The following KLRG1 variants were observed in gnomAD, a reference collection of about 807,000 sequenced individuals.
KLRG1 encodes killer cell lectin like receptor G1.
A neutral mutation model predicts 21.8 loss-of-function variants in KLRG1; 16 were observed. The ratio of observed to expected loss-of-function variants is 0.73; its 90% CI spans 0.50 to 1.11. The LOEUF is 1.11. Ranked by LOEUF, KLRG1 falls within the 50% of genes most tolerant of loss-of-function variation. The pLI is 0.00. For synonymous variants in KLRG1, 69 were observed against 75.9 expected, an observed-to-expected ratio of 0.91 and a Z score of 0.47; for missense variants, 173 against 218.3, an observed-to-expected ratio of 0.79 and a Z score of 1.31.
the KLRG1 span, chr12:9,192,867 C>T: frequency 5.3e-6 from 3 of 570,910 alleles, no homozygotes; most frequent in Admixed American, 3.1e-5. Context: ...TCATACTGGT[C>T]GACAGCCAAA....
At chr12:9,083,759 A>T in the KLRG1 span, among the ~76,000 whole-genome samples, 2 of 151,924 alleles carry the variant, frequency 1.3e-5, no homozygotes, top group Non-Finnish European at 2.9e-5. Flanking sequence ...AATCAGAAAA[A>T]AAAAAAAGCA....
the KLRG1 span, chr12:9,202,550 T>C: frequency 6.2e-7 from 1 of 1,614,048 alleles, no homozygotes. Context: ...TATACATGGG[T>C]TTGTCTGTCT....
At position 9,009,295 on chromosome 12, in the gene KLRG1, C is replaced by T. The variant is rs759261254; in HGVS notation, c.459-131C>T. ...GAGAGGCTGATGAACAATTTTAATT[C>T]TTCTGCTGTTTGGGGGAATTAGGGG... On this transcript the variant is annotated intron_variant, in intron 4 of 4. Coordinates refer to ENST00000356986, the MANE Select transcript of KLRG1 (RefSeq NM_005810.4). The T allele has an allele frequency of 3.9e-5, 42 of 1,089,926 alleles. No individual in the cohort carries two copies. In the Admixed American group the frequency reaches 1.2e-3, roughly 31 times the overall value. The allele number at this position is 1,089,926 out of a possible 1,614,324, so 67.5% of individuals were successfully genotyped here.
chr12:9,196,384 G>T, the KLRG1 span: 1 of 1,613,884 alleles, frequency 6.2e-7, no homozygotes, highest in South Asian at 1.1e-5. Context: ...TCACGAATTT[G>T]AGTTTGGATA....
chr12:9,110,390 C>A, the KLRG1 span: 1 of 1,134,058 alleles, frequency 8.8e-7, no homozygotes. Context: ...TCTTAAATCT[C>A]ATTTATAAGC....
chr12:8,975,484 A>G (rs770161397), intron 1 of KLRG1, among the ~76,000 whole-genome samples: 29 of 152,144 alleles, frequency 1.9e-4, no homozygotes, highest in African/African-American at 7.0e-4. Flanking sequence ...GACCCTTTCT[A>G]TTTCTGAAGC....
At chr12:9,088,939 A>C in the KLRG1 span, among the ~76,000 whole-genome samples, 2 of 152,192 alleles carry the variant, frequency 1.3e-5, no homozygotes, top group Admixed American at 6.5e-5. Flanking sequence ...CTTTCTACCT[A>C]TGCCCATACC....
chr12:8,999,047 T>G (rs1047614678), intron 3 of KLRG1, among the ~76,000 whole-genome samples: 1 of 152,134 alleles, frequency 6.6e-6, no homozygotes, highest in Non-Finnish European at 1.5e-5. Flanking sequence ...ATCTCTTTTT[T>G]TTTTCTATCT....
At chr12:9,182,176 A>G in the KLRG1 span, 1 of 184,578 alleles carries the variant, frequency 5.4e-6, no homozygotes, top group Non-Finnish European at 8.6e-6. Flanking sequence ...GGTCATAAAA[A>G]TAGTGTCATA....
At position 9,009,801 on chromosome 12, in the gene KLRG1, G is replaced by T. The variant is rs1393783383; in HGVS notation, c.*264G>T. The T allele has an allele frequency of 2.1e-6, 3 of 1,420,688 alleles. No homozygotes were observed. Among genetic ancestry groups the T allele is most frequent in the Non-Finnish European group, 2.7e-6 (3 of 1,093,998 alleles). 88.0% of individuals were successfully genotyped at this position (1,420,688 alleles called of 1,614,324 possible). On this transcript the variant is annotated 3_prime_UTR_variant, in exon 5 of 5. Transcript: ENST00000356986. ...AGATGTTTGTTTTTTGTATTTCTCA[G>T]TATGGAAACTAATGCTGCCACTCTC...
At chr12:9,059,789 C>G in the KLRG1 span, among the ~76,000 whole-genome samples, 1 of 152,226 alleles carries the variant, frequency 6.6e-6, no homozygotes, top group African/African-American at 2.4e-5. Flanking sequence ...CAGCTATCCT[C>G]CCACCTCAGC....
At chr12:9,079,435 T>C in the KLRG1 span, 6 of 1,276,432 alleles carry the variant, frequency 4.7e-6, no homozygotes, top group Non-Finnish European at 6.7e-6. Flanking sequence ...TTTCTTAAAT[T>C]TTGTTGTCAT....
At chr12:8,957,496 CTTGTT>C (rs1407791707) in intron 1 of KLRG1, among the ~76,000 whole-genome samples, 1 of 151,708 alleles carries the variant, frequency 6.6e-6, no homozygotes, top group Non-Finnish European at 1.5e-5. Context: ...CCTCGGAATA[CTTGTT>C]TTGTTTTTTG....
At chr12:9,136,614 C>T in the KLRG1 span, among the ~76,000 whole-genome samples, 1 of 152,040 alleles carries the variant, frequency 6.6e-6, no homozygotes, top group Non-Finnish European at 1.5e-5. Flanking sequence ...ACCATGTTTC[C>T]ATAGCAGTTG....
the KLRG1 span, among the ~76,000 whole-genome samples, chr12:9,032,031 G>C: frequency 3.3e-5 from 5 of 152,146 alleles, no homozygotes; most frequent in Non-Finnish European, 5.9e-5. Flanking sequence ...GGAAACACCT[G>C]AACAGACACA....
chr12:9,089,809 A>C, the KLRG1 span: 1 of 896,706 alleles, frequency 1.1e-6, no homozygotes, highest in Non-Finnish European at 1.6e-6. Context: ...AGAGAGATAC[A>C]TGAGAATAAT....
chr12:9,154,890 A>G, the KLRG1 span: 20 of 1,506,992 alleles, frequency 1.3e-5, no homozygotes, highest in Non-Finnish European at 1.8e-5. Flanking sequence ...AAGTAATTAT[A>G]ACTGGTAGAT....
intron 1 of KLRG1, among the ~76,000 whole-genome samples, chr12:8,968,175 T>C (rs147859026): frequency 6.6e-6 from 1 of 152,086 alleles, no homozygotes; most frequent in African/African-American, 2.4e-5. Flanking sequence ...ATGGCCAAAA[T>C]TCTCCAATTA....
the KLRG1 span, chr12:9,197,093 A>G: frequency 1.3e-4 from 217 of 1,613,156 alleles, no homozygotes; most frequent in Middle Eastern, 8.2e-4. Context: ...TCACAGTTGC[A>G]AGTCCTGGGA....
Sources: gnomAD v4.1 joint callset for allele counts (sites outside exome capture counted in the v4.1 genomes callset) on GRCh38, gnomAD v4.1.1 for gene constraint, MANE v1.5 for transcripts, NCBI Gene and HGNC (gene_info 2026-07-23, HGNC 2026-07-21) for gene names.